ZNF736: variants seen among roughly 807,000 people sequenced by gnomAD.
ZNF736 encodes the protein KRAB-containing zinc-finger repressor protein.
ZNF736 carries 6 observed loss-of-function variants against 11.7 expected under a neutral mutation model. That is an observed-to-expected ratio of 0.51 (90% CI 0.28 to 1.01). ZNF736 has a LOEUF of 1.01. ZNF736 is among the 50% of genes least tolerant of loss of function. ZNF736 has a pLI of 0.09. For synonymous variants in ZNF736, 139 were observed against 164.7 expected, an observed-to-expected ratio of 0.84 and a Z score of 1.19; for missense variants, 444 against 496.0, an observed-to-expected ratio of 0.90 and a Z score of 1.00.
At chr7:64,328,177 A>G (rs1789107784) in intron 1 of ZNF736, among the ~76,000 whole-genome samples, 1 of 151,720 alleles carries the variant, frequency 6.6e-6, no homozygotes, top group African/African-American at 2.4e-5. Flanking sequence ...TAGATTGAAG[A>G]ACTGCCTTTA....
At position 64,353,976 on chromosome 7, in the gene ZNF736, T is replaced by C. The variant is rs1445230104; in HGVS notation, c.*4829T>C. ...TTGCCACTGATGTTAACTTATCCCA[T>C]CTTACCCAAGGTTGTAGGTAACAAT... On this transcript the variant is annotated 3_prime_UTR_variant, in exon 4 of 4. Transcript: ENST00000423484. 6.6e-6 allele frequency: 1 copy of C among 152,242 alleles called. No individual in the cohort carries two copies. The highest frequency in any genetic ancestry group is 1.5e-5 in the Non-Finnish European group (1 of 68,036). The allele number at this position is 152,242 out of a possible 1,614,324, so 9.4% of individuals were successfully genotyped here.
chr7:64,337,203 T>G (rs1789264650), intron 3 of ZNF736: 4 of 524,962 alleles, frequency 7.6e-6, no homozygotes, highest in Admixed American at 7.2e-5. Context: ...TGTGTGTGTG[T>G]TGTGTGTGTG....
chr7:64,328,783 A>G (rs1416510507), intron 1 of ZNF736, among the ~76,000 whole-genome samples: 3 of 152,054 alleles, frequency 2.0e-5, no homozygotes, highest in African/African-American at 7.2e-5. Context: ...TCAGGTAGTC[A>G]TATTTAAGTG....
chr7:64,336,510 G>GT (rs2115931163), intron 2 of ZNF736, 125 bp downstream of exon 2: 2 of 1,039,140 alleles, frequency 1.9e-6, no homozygotes, highest in South Asian at 4.2e-5. Flanking sequence ...AAAAAATTGG[G>GT]TATCTGTTGA....
intron 1 of ZNF736, among the ~76,000 whole-genome samples, chr7:64,327,455 G>T (rs1437408381): frequency 6.6e-6 from 1 of 151,940 alleles, no homozygotes; most frequent in African/African-American, 2.4e-5. Context: ...CGGGTCTTGG[G>T]TTTTTTGTTT....
Position 64,314,129 on chromosome 7 carries a change from C to A in ZNF736, c.-22C>A. 1.3e-6 allele frequency: 2 copies of A among 1,551,928 alleles called. No individual in the cohort carries two copies. Among genetic ancestry groups the A allele is most frequent in the Non-Finnish European group, 8.7e-7 (1 of 1,147,222 alleles). ...ACTGGGAGATCCATAGGGAGGACGGCGGAACATCTGGAGGCTGGGAAATGG... is the reference window on the plus strand; with the variant it reads ...ACTGGGAGATCCATAGGGAGGACGGAGGAACATCTGGAGGCTGGGAAATGG... On this transcript the variant is annotated 5_prime_UTR_variant, in exon 1 of 4. Coordinates refer to ENST00000423484, the MANE Select transcript of ZNF736 (RefSeq NM_001170905.3).
chr7:64,317,856 A>C (rs2115863782), intron 1 of ZNF736, among the ~76,000 whole-genome samples: 1 of 152,022 alleles, frequency 6.6e-6, no homozygotes, highest in African/African-American at 2.4e-5. Context: ...TATTTTTTAA[A>C]TAACCTCTAA....
intron 1 of ZNF736, among the ~76,000 whole-genome samples, chr7:64,335,769 A>G (rs950359555): frequency 2.0e-5 from 3 of 152,188 alleles, no homozygotes; most frequent in African/African-American, 7.2e-5. Context: ...TTTTGACAAA[A>G]TATTCTCCTT....
In ZNF736 at chr7:64,319,007, A is replaced by G. The variant is rs1376887398; in HGVS notation, c.3+4854A>G. 2.6e-5 allele frequency among the ~76,000 whole-genome samples: 4 copies of G among 152,158 alleles called. No individual in the cohort carries two copies. The East Asian group carries it at 7.7e-4, about 29-fold the overall frequency. On this transcript the variant is annotated intron_variant, in intron 1 of 3. Transcript: ENST00000423484. ...TAGAAGTTTCCTTTAGTTGTCCTCT[A>G]TAGTGACAAAAGGTTTTAAGTGGAA...
intron 3 of ZNF736, among the ~76,000 whole-genome samples, chr7:64,345,180 C>T (rs576436079): frequency 5.6e-4 from 85 of 151,372 alleles, no homozygotes; most frequent in African/African-American, 1.7e-3. Flanking sequence ...CTCGCCACCG[C>T]GCCTGGCTAA....
chr7:64,315,675 G>C (rs1390575741), intron 1 of ZNF736, among the ~76,000 whole-genome samples: 1 of 152,068 alleles, frequency 6.6e-6, no homozygotes, highest in African/African-American at 2.4e-5. Context: ...CCACAGGGTC[G>C]TTGGTTTTCT....
Position 64,323,982 on chromosome 7 carries a change from A to G in ZNF736, c.3+9829A>G, listed in dbSNP as rs1039146462. The stretch of plus-strand genomic sequence containing the variant: ...AGTAAACACATACCAACTATTTGAA[A>G]ACATAATCTTATCTCTTAATGCAGT... On this transcript the variant is annotated intron_variant, in intron 1 of 3. Transcript: ENST00000423484. Among the ~76,000 whole-genome samples, 40 of 152,350 alleles carry G rather than the reference A, an allele frequency of 2.6e-4. 1 individual carries two copies. Among genetic ancestry groups the G allele is most frequent in the Middle Eastern group, 3.4e-3 (1 of 294 alleles).
intron 1 of ZNF736, among the ~76,000 whole-genome samples, chr7:64,318,339 G>A (rs6460137): frequency 0.65 from 98,299 of 151,742 alleles, 32,824 homozygotes; most frequent in African/African-American, 0.82. Context: ...GTCTACGAGT[G>A]TAGTTTCCAT....
Position 64,333,739 on chromosome 7 carries a change from G to A in ZNF736, c.4-2520G>A, listed in dbSNP as rs180993899. Among the ~76,000 whole-genome samples the A allele has an allele frequency of 7.3e-4, 111 of 152,018 alleles. 1 individual carries two copies. In the East Asian group the frequency reaches 0.02, roughly 28 times the overall value. On this transcript the variant is annotated intron_variant, in intron 1 of 3. Transcript: ENST00000423484. ...ACTACCCAAAGTAATTTATAGATTC[G>A]ATGCTATTCCCATCAGGCTACCATT...
Position 64,355,272 on chromosome 7 carries a change from C to A in ZNF736, c.*6125C>A. Reference sequence around the variant, plus strand: ...CACAGGTATCGAAACCTAAAATGCCCTGAACTCTTTTCATATAGATTAATA... The same window carrying A: ...CACAGGTATCGAAACCTAAAATGCCATGAACTCTTTTCATATAGATTAATA... On this transcript the variant is annotated 3_prime_UTR_variant, in exon 4 of 4. Transcript: ENST00000423484. 5.9e-6 allele frequency: 1 copy of A among 169,266 alleles called. No homozygotes were observed. Among genetic ancestry groups the A allele is most frequent in the South Asian group, 1.8e-4 (1 of 5,626 alleles). 10.5% of individuals were successfully genotyped at this position (169,266 alleles called of 1,614,324 possible).
At chr7:64,345,348 A>C (rs1789395476) in intron 3 of ZNF736, among the ~76,000 whole-genome samples, 1 of 151,904 alleles carries the variant, frequency 6.6e-6, no homozygotes, top group African/African-American at 2.4e-5. Flanking sequence ...AAAATTGAAA[A>C]GGGTGTGTTG....
intron 1 of ZNF736, among the ~76,000 whole-genome samples, chr7:64,320,105 C>T (rs755313586): frequency 2.2e-4 from 33 of 152,128 alleles, no homozygotes; most frequent in Non-Finnish European, 3.5e-4. Flanking sequence ...AAAACCAACA[C>T]AAACATTCAT....
chr7:64,326,455 C>A (rs1055619208), intron 1 of ZNF736, among the ~76,000 whole-genome samples: 1 of 152,178 alleles, frequency 6.6e-6, no homozygotes, highest in African/African-American at 2.4e-5. Context: ...ACCATGGGAC[C>A]CTGAATCCCA....
At chr7:64,335,122 A>G (rs749474412) in intron 1 of ZNF736, among the ~76,000 whole-genome samples, 4 of 152,184 alleles carry the variant, frequency 2.6e-5, no homozygotes, top group Non-Finnish European at 5.9e-5. Context: ...GGAGGGAAAC[A>G]TCACACACCA....
Sources: gnomAD v4.1 joint callset for allele counts (sites outside exome capture counted in the v4.1 genomes callset) on GRCh38, gnomAD v4.1.1 for gene constraint, MANE v1.5 for transcripts, NCBI Gene and HGNC (gene_info 2026-07-23, HGNC 2026-07-21) for gene names.